SYNJ1: variants seen among roughly 807,000 people sequenced by gnomAD.
The protein encoded by SYNJ1 is polyphosphatidylinositol phosphatase SYNJ1.
SYNJ1 carries 78 observed loss-of-function variants against 168.2 expected under a neutral mutation model. That is an observed-to-expected ratio of 0.46 (90% confidence interval 0.39 to 0.56). The LOEUF is 0.56. Ranked by LOEUF, SYNJ1 falls within the 20% of genes least tolerant of loss-of-function variation. The pLI is 0.00. For missense variants in SYNJ1, 1,303 were observed against 1,597.6 expected, an observed-to-expected ratio of 0.82 and a Z score of 3.14; for synonymous variants, 539 against 548.6, an observed-to-expected ratio of 0.98 and a Z score of 0.24.
At position 32,629,317 on chromosome 21, in the gene SYNJ1, G is replaced by A. The variant is rs551359739; in HGVS notation, c.*2488C>T. ...TGAAGCAACTGCTTATAGTAATACTGCTGTTTAAGACGCTACTGCTGAAAT... is the reference window on the plus strand; with the variant it reads ...TGAAGCAACTGCTTATAGTAATACTACTGTTTAAGACGCTACTGCTGAAAT... On this transcript the variant is annotated 3_prime_UTR_variant, in exon 33 of 33. Coordinates refer to ENST00000674351, the MANE Select transcript of SYNJ1 (RefSeq NM_203446.3). 9.8e-5 allele frequency: 15 copies of A among 152,714 alleles called. No individual in the cohort carries two copies. Among genetic ancestry groups the A allele is most frequent in the African/African-American group, 3.6e-4 (15 of 41,566 alleles). 9.5% of individuals were successfully genotyped at this position (152,714 alleles called of 1,614,324 possible).
At chr21:32,655,661 AAC>A (rs1365047754) in intron 21 of SYNJ1, among the ~76,000 whole-genome samples, 2 of 152,082 alleles carry the variant, frequency 1.3e-5, no homozygotes, top group Admixed American at 1.3e-4. Flanking sequence ...CTTCTACAGC[AAC>A]TAGTATAGAG....
chr21:32,667,498 T>C (rs2040986328), intron 15 of SYNJ1, among the ~76,000 whole-genome samples: 1 of 152,178 alleles, frequency 6.6e-6, no homozygotes, highest in African/African-American at 2.4e-5. Flanking sequence ...AAAAAAATCT[T>C]CTAACAGTTG....
chr21:32,639,480 C>T (rs1210932224), intron 30 of SYNJ1, among the ~76,000 whole-genome samples, 191 bp downstream of exon 30: 2 of 152,176 alleles, frequency 1.3e-5, no homozygotes, highest in Admixed American at 1.3e-4. Context: ...CAGTCTCAAC[C>T]TCCCAGGCTC....
chr21:32,650,365 TATAAA>T lies in SYNJ1; in HGVS notation c.2875-24_2875-20del, dbSNP rs1569042958. 1.3e-6 allele frequency: 2 copies of T among 1,578,506 alleles called. No individual in the cohort carries two copies. The highest frequency in any genetic ancestry group is 8.6e-7 in the Non-Finnish European group (1 of 1,167,748). On this transcript the variant is annotated intron_variant, in intron 22 of 32. Coordinates refer to ENST00000674351, the MANE Select transcript of SYNJ1 (RefSeq NM_203446.3). ...TCAATAACTAGCGGAGTAAAAGAGA[TATAAA>T]ATAAAGATTAACATGAAAGCTAACT...
intron 18 of SYNJ1, among the ~76,000 whole-genome samples, chr21:32,661,076 T>A (rs1371473502): frequency 6.6e-6 from 1 of 152,132 alleles, no homozygotes; most frequent in Non-Finnish European, 1.5e-5. Context: ...CACACAGAAG[T>A]GGGGCAAGTA....
chr21:32,645,736 G>C lies in SYNJ1; in HGVS notation c.3301C>G (p.Gln1101Glu), dbSNP rs763783154. 36 of 1,468,194 alleles carry C rather than the reference G, an allele frequency of 2.5e-5. No homozygotes were observed. Among genetic ancestry groups the C allele is most frequent in the Non-Finnish European group, 3.2e-5 (35 of 1,109,140 alleles). 90.9% of individuals were successfully genotyped at this position (1,468,194 alleles called of 1,614,324 possible). Residue 1101 changes from glutamine to glutamate, a missense_variant, in exon 25 of 33, where the codon CAG becomes GAG. Gln to Glu is a conservative substitution (Grantham distance 29). Transcript: ENST00000674351. ...GGCGGCCGCTTGGGCTCCAAGGGCTGGGCGGGGTCTTTCTGCGGCAGCGGC... is the reference window on the plus strand; with the variant it reads ...GGCGGCCGCTTGGGCTCCAAGGGCTCGGCGGGGTCTTTCTGCGGCAGCGGC... ...ATPLPQKDPAQPLEPKRPPPP... is the reference protein window; with the variant it reads ...ATPLPQKDPAEPLEPKRPPPP...
chr21:32,684,387 T>C (rs974579006), intron 9 of SYNJ1, among the ~76,000 whole-genome samples: 4 of 152,222 alleles, frequency 2.6e-5, no homozygotes, highest in African/African-American at 4.8e-5. Flanking sequence ...AGAAACTAAA[T>C]ATACATTCAG....
In SYNJ1 at chr21:32,637,958, T is replaced by C. The variant is rs2039655062; in HGVS notation, c.3915+950A>G. On this transcript the variant is annotated intron_variant, in intron 31 of 32. Transcript: ENST00000674351. ...AACTAGCTGGACATACCTATATATC[T>C]GTAAAAATAAATGTAAACTATTACT... is the stretch of plus-strand genomic sequence containing the variant. 7.2e-5 allele frequency among the ~76,000 whole-genome samples: 11 copies of C among 152,254 alleles called. 1 individual carries two copies. Among genetic ancestry groups the C allele is most frequent in the Admixed American group, 7.2e-4 (11 of 15,284 alleles).
chr21:32,665,559 T>C (rs2040892916), intron 17 of SYNJ1, among the ~76,000 whole-genome samples: 2 of 152,212 alleles, frequency 1.3e-5, no homozygotes, highest in Admixed American at 6.5e-5. Context: ...TCTTATCTAC[T>C]TCTAACCTGG....
chr21:32,652,506 C>T (rs1440412427), intron 22 of SYNJ1, among the ~76,000 whole-genome samples: 2 of 152,158 alleles, frequency 1.3e-5, no homozygotes, highest in Non-Finnish European at 2.9e-5. Context: ...CAGCCTAATA[C>T]ATACAAAGAA....
At chr21:32,660,096 T>C (rs1320997994) in intron 18 of SYNJ1, among the ~76,000 whole-genome samples, 1 of 152,230 alleles carries the variant, frequency 6.6e-6, no homozygotes, top group Non-Finnish European at 1.5e-5. Context: ...TTACACTCTA[T>C]GTGTCAGAAA....
intron 4 of SYNJ1, among the ~76,000 whole-genome samples, chr21:32,695,633 AT>A (rs1339876519): frequency 2.2e-3 from 332 of 148,030 alleles, no homozygotes; most frequent in African/African-American, 7.8e-3. Context: ...TTTTAAAAAA[AT>A]ATTTATTTAT....
intron 11 of SYNJ1, 66 bp downstream of exon 11, chr21:32,681,430 T>A: frequency 6.7e-7 from 1 of 1,488,604 alleles, no homozygotes. Flanking sequence ...TAAAAGGCCA[T>A]TTAAAAGCTT....
chr21:32,640,741 T>C lies in SYNJ1; in HGVS notation c.3589-962A>G, dbSNP rs188744744. Reference sequence around the variant, plus strand: ...TGCCACCCAGCCATATATATTGCTTTTAAACACAGAAGTACAACTTTTGAA... The same window carrying C: ...TGCCACCCAGCCATATATATTGCTTCTAAACACAGAAGTACAACTTTTGAA... On this transcript the variant is annotated intron_variant, in intron 29 of 32. Coordinates refer to ENST00000674351, the MANE Select transcript of SYNJ1 (RefSeq NM_203446.3). Among the ~76,000 whole-genome samples the C allele has an allele frequency of 3.5e-3, 530 of 152,314 alleles. 3 individuals carry two copies. The highest frequency in any genetic ancestry group is 0.012 in the African/African-American group (512 of 41,576).
chr21:32,683,366 A>C (rs2041697035), intron 10 of SYNJ1, among the ~76,000 whole-genome samples: 1 of 152,016 alleles, frequency 6.6e-6, no homozygotes, highest in Non-Finnish European at 1.5e-5. Context: ...AAAACGTTGC[A>C]AACAGCGACC....
chr21:32,667,785 T>A (rs1469911544), intron 15 of SYNJ1, among the ~76,000 whole-genome samples: 1 of 152,202 alleles, frequency 6.6e-6, no homozygotes, highest in African/African-American at 2.4e-5. Context: ...TCCCTATAGT[T>A]GATCTCCTTT....
intron 2 of SYNJ1, 95 bp downstream of exon 2, chr21:32,726,677 G>A: frequency 1.4e-6 from 2 of 1,461,116 alleles, no homozygotes; most frequent in South Asian, 1.3e-5. Flanking sequence ...TACAGTGAAA[G>A]GGTTGTCGGG....
At position 32,643,450 on chromosome 21, in the gene SYNJ1, T is replaced by A; in HGVS notation, c.3438A>T (p.Gly1146=). The change falls in exon 27 of 33, where the codon GGA becomes GGT. Residue 1146 remains glycine, a synonymous_variant. Transcript: ENST00000674351. ...APTRKEFGGI[G]APPSPGVARR... ...TAGCTACCCCAGGACTGGGAGGGGC[T>A]CCAATACCTTTTTAGAGAAAGAACA... 1.2e-6 allele frequency: 2 copies of A among 1,613,584 alleles called. No homozygotes were observed. Among genetic ancestry groups the A allele is most frequent in the Non-Finnish European group, 1.7e-6 (2 of 1,179,722 alleles).
rs141077250 is a variant in SYNJ1, at chr21:32,635,822, C to T, written c.3916-938G>A. 7.6e-4 allele frequency among the ~76,000 whole-genome samples: 115 copies of T among 151,702 alleles called. 1 individual carries two copies. Among genetic ancestry groups the T allele is most frequent in the African/African-American group, 2.7e-3 (110 of 41,318 alleles). On this transcript the variant is annotated intron_variant, in intron 31 of 32. Coordinates refer to ENST00000674351, the MANE Select transcript of SYNJ1 (RefSeq NM_203446.3). ...AGTTGGAAGGTACAAGAAACTTGTACCTTACAAGAAATTTGGAATTTACCT... is the reference window on the plus strand; with the variant it reads ...AGTTGGAAGGTACAAGAAACTTGTATCTTACAAGAAATTTGGAATTTACCT...
Sources: allele counts gnomAD v4.1 joint callset (sites outside exome capture counted in the v4.1 genomes callset), GRCh38; gene constraint gnomAD v4.1.1; transcripts MANE v1.5; gene names NCBI Gene and HGNC (gene_info 2026-07-23, HGNC 2026-07-21).